RBPJ: variants seen among roughly 807,000 people sequenced by gnomAD.
RBPJ encodes recombining binding protein suppressor of hairless.
RBPJ carries 9 observed loss-of-function variants against 67.8 expected under a neutral mutation model. The observed-to-expected ratio is 0.13, with a 90% CI of 0.08 to 0.23. The LOEUF (loss-of-function observed/expected upper bound fraction) is 0.23. Ranked by LOEUF, RBPJ falls within the 10% of genes least tolerant of loss-of-function variation. RBPJ has a pLI of 1.00. For synonymous variants in RBPJ, 198 were observed against 203.3 expected (o/e 0.97, Z 0.22); for missense variants, 305 against 595.6 (o/e 0.51, Z 5.08).
intron 1 of RBPJ, among the ~76,000 whole-genome samples, chr4:26,255,176 G>C (rs1253200908): frequency 6.9e-6 from 1 of 145,154 alleles, no homozygotes; most frequent in Non-Finnish European, 1.5e-5. Flanking sequence ...AGGCCAAGGC[G>C]GGTGGATCAC....
At position 26,296,688 on chromosome 4, in the gene RBPJ, A is replaced by G. The variant is rs553146367; in HGVS notation, c.-166-65758A>G. On this transcript the variant is annotated intron_variant, in intron 1 of 4. Coordinates refer to the RBPJ transcript ENST00000512351. ...TTTCTTTGTACCTAATATACGCTAC[A>G]TACTTGTCATTGGTTACCTACCACA... 7.9e-5 allele frequency among the ~76,000 whole-genome samples: 12 copies of G among 152,308 alleles called. No homozygotes were observed. The South Asian group carries it at 2.5e-3, about 32-fold the overall frequency.
upstream of RBPJ, among the ~76,000 whole-genome samples, chr4:26,159,905 TTCTC>T (rs35911476): frequency 2.2e-4 from 32 of 147,176 alleles, no homozygotes; most frequent in Admixed American, 1.1e-3. Context: ...GCAAGAAGCT[TTCTC>T]TCTCTCTCTC....
chr4:26,338,614 C>T (rs1219827714), intron 1 of RBPJ, among the ~76,000 whole-genome samples: 2 of 148,194 alleles, frequency 1.3e-5, no homozygotes, highest in Admixed American at 1.3e-4. Context: ...CTCACTCTGC[C>T]TCCCAAGCTG....
chr4:26,115,485 C>G, the RBPJ span, among the ~76,000 whole-genome samples: 1 of 152,032 alleles, frequency 6.6e-6, no homozygotes, highest in African/African-American at 2.4e-5. Flanking sequence ...CCTGGGTTCA[C>G]GCCATTCTTC....
intron 1 of RBPJ, among the ~76,000 whole-genome samples, chr4:26,296,363 A>T (rs894151369): frequency 2.0e-5 from 3 of 152,264 alleles, no homozygotes; most frequent in Non-Finnish European, 2.9e-5. Context: ...TGTTGAATGT[A>T]GCTGCTGAGC....
rs1413240527 is a variant in RBPJ at position 26,290,188 on chromosome 4, A to C, written c.-166-72258A>C. Among the ~76,000 whole-genome samples the C allele has an allele frequency of 2.5e-4, 37 of 149,080 alleles. 1 individual carries two copies. The highest frequency in any genetic ancestry group is 3.0e-5 in the Non-Finnish European group (2 of 67,068). Reference sequence around the variant, plus strand: ...CCCATCTCTACATGTGACTTAAAAAACTTAGCTGGGCATGGTGGTACATGC... The same window carrying C: ...CCCATCTCTACATGTGACTTAAAAACCTTAGCTGGGCATGGTGGTACATGC... On this transcript the variant is annotated intron_variant, in intron 1 of 4. Transcript: ENST00000512351.
chr4:26,359,413 A>ATTTTTT (rs56112785), intron 1 of RBPJ, among the ~76,000 whole-genome samples: 6 of 129,078 alleles, frequency 4.6e-5, no homozygotes, highest in African/African-American at 1.5e-4. Flanking sequence ...TAACACCTTC[A>ATTTTTT]TTTTTTTTTT....
At chr4:26,176,793 GCCAGGCCTGTCTTGGCTGGA>G (rs1281303963) in intron 1 of RBPJ, among the ~76,000 whole-genome samples, 1 of 152,264 alleles carries the variant, frequency 6.6e-6, no homozygotes, top group Non-Finnish European at 1.5e-5. Context: ...CAAGGCCTAA[GCCAGGCCTGTCTTGGCTGGA>G]CCACCTTCAG....
At chr4:26,363,482 G>A (rs1045156052) in intron 1 of RBPJ, among the ~76,000 whole-genome samples, 6 of 151,990 alleles carry the variant, frequency 3.9e-5, no homozygotes, top group Admixed American at 2.0e-4. Context: ...TCTGTTGTCC[G>A]GGCTGGAGTG....
At chr4:26,377,963 G>A (rs968303506) in intron 1 of RBPJ, among the ~76,000 whole-genome samples, 4 of 152,172 alleles carry the variant, frequency 2.6e-5, no homozygotes, top group Non-Finnish European at 5.9e-5. Context: ...TAATAATCAC[G>A]TGTAGGGTGT....
rs114065884 is a variant in RBPJ, at chr4:26,171,522, T to C, written c.-167+7908T>C. Among the ~76,000 whole-genome samples the C allele has an allele frequency of 6.4e-3, 972 of 152,278 alleles. 11 individuals carry two copies. The highest frequency in any genetic ancestry group is 0.022 in the African/African-American group (919 of 41,552). ...AGTTAGAGGCTGCAGTGAGCCGTGA[T>C]TGTGCACTCCAGCCTGGGTGACAGA... On this transcript the variant is annotated intron_variant, in intron 1 of 4. Coordinates refer to the RBPJ transcript ENST00000512351.
At position 26,258,790 on chromosome 4, in the gene RBPJ, TATTA is replaced by T. The variant is rs933197636; in HGVS notation, c.-167+95177_-167+95180del. On this transcript the variant is annotated intron_variant, in intron 1 of 4. Transcript: ENST00000512351. The stretch of plus-strand genomic sequence containing the variant: ...TATCTGTGCCCTTTAAACATTTTTT[TATTA>T]TTTATTTATTTATTTATTTATTTAT... 4.7e-5 allele frequency among the ~76,000 whole-genome samples: 4 copies of T among 85,394 alleles called. No individual in the cohort carries two copies. In the Admixed American group the frequency reaches 6.7e-4, roughly 14 times the overall value. 56.0% of individuals were successfully genotyped at this position (85,394 alleles called of 152,430 possible).
intron 1 of RBPJ, among the ~76,000 whole-genome samples, chr4:26,214,598 GAAA>G (rs1718569145): frequency 8.0e-6 from 1 of 125,430 alleles, no homozygotes; most frequent in African/African-American, 3.1e-5. Context: ...AGGAAGGGAG[GAAA>G]CAGAGAGAGA....
upstream of RBPJ, among the ~76,000 whole-genome samples, chr4:26,158,648 C>A (rs538930202): frequency 5.3e-5 from 8 of 152,292 alleles, no homozygotes; most frequent in East Asian, 1.5e-3. Flanking sequence ...CCTTCTGGCT[C>A]AATTTTCTGC....
chr4:26,351,817 C>T (rs968471963), intron 1 of RBPJ, among the ~76,000 whole-genome samples: 3 of 152,198 alleles, frequency 2.0e-5, no homozygotes, highest in African/African-American at 7.2e-5. Context: ...CGTTTATGTA[C>T]TTGGAAATAT....
At chr4:26,401,438 T>C (rs868079070) in intron 2 of RBPJ, among the ~76,000 whole-genome samples, 3 of 152,240 alleles carry the variant, frequency 2.0e-5, no homozygotes, top group Admixed American at 6.5e-5. Context: ...TCAAGGTCAT[T>C]GGTTATGTTA....
At chr4:26,108,700 T>C in the RBPJ span, among the ~76,000 whole-genome samples, 1 of 152,228 alleles carries the variant, frequency 6.6e-6, no homozygotes, top group Non-Finnish European at 1.5e-5. Context: ...AAACCAGCTA[T>C]GTTCTGGTAA....
chr4:26,365,124 C>T (rs149295474), intron 1 of RBPJ, among the ~76,000 whole-genome samples: 10 of 151,530 alleles, frequency 6.6e-5, no homozygotes, highest in African/African-American at 2.4e-4. Flanking sequence ...TATATACACA[C>T]AGTGCAGGTT....
chr4:26,231,079 G>GA (rs1719265434), intron 1 of RBPJ, among the ~76,000 whole-genome samples: 1 of 152,224 alleles, frequency 6.6e-6, no homozygotes, highest in East Asian at 1.9e-4. Flanking sequence ...GGAGGTAGAA[G>GA]AAACAGCCAT....
Sources: gnomAD v4.1 joint callset for allele counts (sites outside exome capture counted in the v4.1 genomes callset) on GRCh38, gnomAD v4.1.1 for gene constraint, MANE v1.5 for transcripts, NCBI Gene and HGNC (gene_info 2026-07-23, HGNC 2026-07-21) for gene names.